The following ST14 variants were observed in gnomAD, a reference collection of about 807,000 sequenced individuals.
The protein encoded by ST14 is suppressor of tumorigenicity 14 protein.
Under a neutral mutation model 96.5 loss-of-function variants are expected in ST14, and 40 were observed. The observed-to-expected ratio is 0.41, with a 90% CI of 0.32 to 0.54. The LOEUF (loss-of-function observed/expected upper bound fraction) is 0.54. Among genes scored for constraint, ST14 ranks in the 20% least tolerant of loss-of-function variants. ST14 has a pLI of 0.17. For missense variants in ST14, 1,066 were observed against 1,188.9 expected, an observed-to-expected ratio of 0.90 and a Z score of 1.52; for synonymous variants, 506 against 492.1, an observed-to-expected ratio of 1.03 and a Z score of -0.37.
rs1953249891 is a variant in ST14 at position 130,187,614 on chromosome 11, G to A, written c.82-500G>A. Among the ~76,000 whole-genome samples the A allele has an allele frequency of 1.3e-5, 2 of 152,148 alleles. No homozygotes were observed. Among genetic ancestry groups the A allele is most frequent in the South Asian group, 4.1e-4 (2 of 4,826 alleles). On this transcript the variant is annotated intron_variant, in intron 1 of 18. Coordinates refer to ENST00000278742, the MANE Select transcript of ST14 (RefSeq NM_021978.4). The surrounding 1 kb of genome is among the most constrained non-coding windows in gnomAD (Gnocchi z 4.5). ...GTGTGCAGTTGAGTGCTGGCCACAG[G>A]CTCCTGGGCCAGGTGATGGGGGGAT...
At position 130,208,403 on chromosome 11, in the gene ST14, C is replaced by T. The variant is rs1293592661; in HGVS notation, c.1995-7C>T. 22 of 1,614,020 alleles carry T rather than the reference C, an allele frequency of 1.4e-5. No homozygotes were observed. The highest frequency in any genetic ancestry group is 1.7e-5 in the Non-Finnish European group (20 of 1,180,028). On this transcript the variant is annotated splice_polypyrimidine_tract_variant and splice_region_variant and intron_variant, in intron 16 of 18. Transcript: ENST00000278742. ...CCGCGCAGTCTCATAGCGGCTCTCC[C>T]TACCAGGTACTCAGACCCCACGCAG...
chr11:130,189,754 C>T lies in ST14; in HGVS notation c.456C>T (p.Ile152=), dbSNP rs748885098. The T allele has an allele frequency of 8.1e-6, 13 of 1,612,880 alleles. No homozygotes were observed. Among genetic ancestry groups the T allele is most frequent in the Non-Finnish European group, 1.1e-5 (13 of 1,179,924 alleles). Residue 152 remains isoleucine, a synonymous_variant, in exon 5 of 19, where the codon ATC becomes ATT. Coordinates refer to ENST00000278742, the MANE Select transcript of ST14 (RefSeq NM_021978.4). ...AVTAFSEGSV[I]AYYWSEFSIP... ...CTCTCCCCAGCGAGGGCAGCGTCAT[C>T]GCCTACTACTGGTCTGAGTTCAGCA... is the stretch of plus-strand genomic sequence containing the variant.
chr11:130,189,879 C>T lies in ST14; in HGVS notation c.581C>T (p.Thr194Ile). Reference protein sequence around the residue: ...RARSLKSFVVTSVVAFPTDSK... With the variant: ...RARSLKSFVVISVVAFPTDSK... ...CGCTCCCTGAAGTCCTTTGTGGTCA[C>T]CTCAGTGGTGGCTTTCCGTGAGTCC... Residue 194 changes from threonine (T) to isoleucine (I), a missense_variant, in exon 5 of 19, where the codon ACC becomes ATC. By Grantham distance (89) the Thr-to-Ile change is moderately conservative. Coordinates refer to ENST00000278742, the MANE Select transcript of ST14 (RefSeq NM_021978.4). 2 of 1,613,790 alleles carry T rather than the reference C, an allele frequency of 1.2e-6. No homozygotes were observed. The highest frequency in any genetic ancestry group is 1.7e-6 in the Non-Finnish European group (2 of 1,179,942).
chr11:130,196,398 C>A lies in ST14; in HGVS notation c.1173C>A (p.Gly391=). The A allele has an allele frequency of 6.2e-7, 1 of 1,610,130 alleles. No homozygotes were observed. The highest frequency in any genetic ancestry group is 1.7e-5 in the Admixed American group (1 of 59,466). The change falls in exon 10 of 19, where the codon GGC becomes GGA. Residue 391 remains glycine (G), a synonymous_variant. Coordinates refer to ENST00000278742, the MANE Select transcript of ST14 (RefSeq NM_021978.4). ...AATTCTTCTACCTGCTGGAGCCCGGCGTGCCTGCGGGCACCTGCCCCAAGG... is the reference window on the plus strand; with the variant it reads ...AATTCTTCTACCTGCTGGAGCCCGGAGTGCCTGCGGGCACCTGCCCCAAGG... ...RFKFFYLLEP[G]VPAGTCPKDY...
rs143493025 is a variant in ST14, at chr11:130,187,864, T to G, written c.82-250T>G. Among the ~76,000 whole-genome samples, 1,912 of 152,264 alleles carry G rather than the reference T, an allele frequency of 0.013. 44 individuals are homozygous for G. The highest frequency in any genetic ancestry group is 0.044 in the African/African-American group (1,843 of 41,544). The stretch of plus-strand genomic sequence containing the variant: ...CGTAAGCAATGATCGCCTGGTGCTG[T>G]CCAGACCCTGAGATGCGTGGTTGGG... On this transcript the variant is annotated intron_variant, in intron 1 of 18. Coordinates refer to ENST00000278742, the MANE Select transcript of ST14 (RefSeq NM_021978.4). This position sits in a 1 kb window ranked among gnomAD's most constrained non-coding sequence, Gnocchi z 4.5.
Position 130,204,242 on chromosome 11 carries a change from G to A in ST14, c.1994+4105G>A, listed in dbSNP as rs115966651. ...GAATGAGTTGATGGGGGTTGAGTACGTGGCTGGATGTGAGCAGGCTGGGAA... is the reference window on the plus strand; with the variant it reads ...GAATGAGTTGATGGGGGTTGAGTACATGGCTGGATGTGAGCAGGCTGGGAA... On this transcript the variant is annotated intron_variant, in intron 16 of 18. Transcript: ENST00000278742. Among the ~76,000 whole-genome samples the A allele has an allele frequency of 4.2e-3, 645 of 152,312 alleles. 9 individuals carry two copies. The highest frequency in any genetic ancestry group is 0.015 in the African/African-American group (627 of 41,556).
Position 130,168,479 on chromosome 11 carries a change from G to A in ST14, c.81+8419G>A, listed in dbSNP as rs1472276452. ...GAGCGTCTCCTGAGTGGGGAAACTA[G>A]GCTGGTTCTGTTGCAGTGCTAATTA... On this transcript the variant is annotated intron_variant, in intron 1 of 18. Transcript: ENST00000278742. 1.3e-5 allele frequency among the ~76,000 whole-genome samples: 2 copies of A among 152,340 alleles called. 1 individual carries two copies. The highest frequency in any genetic ancestry group is 4.1e-4 in the South Asian group (2 of 4,834).
intron 1 of ST14, among the ~76,000 whole-genome samples, chr11:130,186,188 T>C (rs1456659704): frequency 6.6e-6 from 1 of 152,358 alleles, no homozygotes; most frequent in East Asian, 1.9e-4. Flanking sequence ...TGTGTGAGTG[T>C]AGAATTAAGG....
At chr11:130,175,027 G>C (rs1003483225) in intron 1 of ST14, among the ~76,000 whole-genome samples, 4 of 152,196 alleles carry the variant, frequency 2.6e-5, no homozygotes, top group Non-Finnish European at 4.4e-5. Context: ...TGCCGAGAGA[G>C]CATTCATGTA....
At chr11:130,160,487 T>A (rs548865804) in intron 1 of ST14, among the ~76,000 whole-genome samples, 1 of 152,242 alleles carries the variant, frequency 6.6e-6, no homozygotes, top group African/African-American at 2.4e-5. Flanking sequence ...GTTTCTTTCG[T>A]CTCTCTCCTT....
intron 1 of ST14, among the ~76,000 whole-genome samples, chr11:130,182,526 C>T (rs1756657127): frequency 6.6e-6 from 1 of 152,106 alleles, no homozygotes; most frequent in Non-Finnish European, 1.5e-5. Context: ...ATTCACTGAG[C>T]CCTTTGAATT....
intron 16 of ST14, among the ~76,000 whole-genome samples, chr11:130,207,697 T>A (rs974064941): frequency 1.3e-5 from 2 of 152,280 alleles, no homozygotes; most frequent in East Asian, 3.8e-4. Context: ...GCTAAACCTA[T>A]TCCATAGCCA....
Position 130,194,836 on chromosome 11 carries a change from G to A in ST14, c.1113+99G>A. On this transcript the variant is annotated intron_variant, in intron 9 of 18. Transcript: ENST00000278742. ...GATGTGTGTGGATGTGTGTGCATGT[G>A]TTTGCATATGTGTGCATGTGTGTGT... 3 of 1,224,956 alleles carry A rather than the reference G, an allele frequency of 2.4e-6. No individual in the cohort carries two copies. The East Asian group carries it at 7.2e-5, about 29-fold the overall frequency. The allele number at this position is 1,224,956 out of a possible 1,614,324, so 75.9% of individuals were successfully genotyped here. A position where few individuals can be genotyped will look rare whatever the true frequency, so the allele number is the denominator to read the frequency against.
chr11:130,189,792 T>C lies in ST14; in HGVS notation c.494T>C (p.Leu165Pro). 1 of 1,613,802 alleles carries C rather than the reference T, an allele frequency of 6.2e-7. No individual in the cohort carries two copies. The highest frequency in any genetic ancestry group is 8.5e-7 in the Non-Finnish European group (1 of 1,179,948). ...TCTGAGTTCAGCATCCCGCAGCACC[T>C]GGTGGAGGAGGCCGAGCGCGTCATG... ...YWSEFSIPQHLVEEAERVMAE... is the reference protein window; with the variant it reads ...YWSEFSIPQHPVEEAERVMAE... The change falls in exon 5 of 19, where the codon CTG becomes CCG. Residue 165 changes from leucine (L) to proline (P), a missense_variant. By Grantham distance (98) the Leu-to-Pro change is moderately conservative (BLOSUM62 -3). Coordinates refer to ENST00000278742, the MANE Select transcript of ST14 (RefSeq NM_021978.4).
chr11:130,190,143 A>G lies in ST14; in HGVS notation c.629A>G (p.Gln210Arg). ...GACTCCAAAACAGTACAGAGGACCC[A>G]GGACAGTAAGTATCGTGCCCGCCTC... is the stretch of plus-strand genomic sequence containing the variant. ...PTDSKTVQRT[Q>R]DNSCSFGLHA... Residue 210 changes from glutamine to arginine, a missense_variant, in exon 6 of 19, where the codon CAG becomes CGG. Coordinates refer to ENST00000278742, the MANE Select transcript of ST14 (RefSeq NM_021978.4). 1 of 1,614,228 alleles carries G rather than the reference A, an allele frequency of 6.2e-7. No homozygotes were observed. The highest frequency in any genetic ancestry group is 1.1e-5 in the South Asian group (1 of 91,088).
At chr11:130,183,027 G>A (rs1258244405) in intron 1 of ST14, among the ~76,000 whole-genome samples, 1 of 151,524 alleles carries the variant, frequency 6.6e-6, no homozygotes, top group Non-Finnish European at 1.5e-5. Flanking sequence ...CACGATTTTG[G>A]CTCACCGCAA....
intron 1 of ST14, among the ~76,000 whole-genome samples, chr11:130,165,103 C>G (rs1953031041): frequency 6.6e-6 from 1 of 152,130 alleles, no homozygotes; most frequent in Admixed American, 6.5e-5. Flanking sequence ...AGTAACTTGC[C>G]TGAGGTCGCA....
At chr11:130,203,909 C>G (rs547311360) in intron 16 of ST14, among the ~76,000 whole-genome samples, 2 of 152,342 alleles carry the variant, frequency 1.3e-5, no homozygotes, top group Non-Finnish European at 2.9e-5. Flanking sequence ...CTGCCTTGGC[C>G]TCCCAAAGTG....
At chr11:130,178,111 A>G (rs1953158427) in intron 1 of ST14, among the ~76,000 whole-genome samples, 1 of 152,226 alleles carries the variant, frequency 6.6e-6, no homozygotes. Context: ...ATACATAATA[A>G]TATTCTTAAC....
Sources: gnomAD v4.1 joint callset for allele counts (sites outside exome capture counted in the v4.1 genomes callset) on GRCh38, gnomAD v4.1.1 for gene constraint, Gnocchi (gnomAD v3.1) non-coding constraint, MANE v1.5 for transcripts, NCBI Gene and HGNC (gene_info 2026-07-23, HGNC 2026-07-21) for gene names.